RAPGEF5: variants seen among roughly 807,000 people sequenced by gnomAD.
RAPGEF5 encodes the protein M-Ras-regulated GEF.
Under a neutral mutation model 125.2 loss-of-function variants are expected in RAPGEF5, and 65 were observed. The observed-to-expected ratio is 0.52, with a 90% CI of 0.43 to 0.64. RAPGEF5 has a LOEUF of 0.64. Among genes scored for constraint, RAPGEF5 ranks in the 30% least tolerant of loss-of-function variants. The pLI is 0.00. For synonymous variants in RAPGEF5, 391 were observed against 385.9 expected (o/e 1.01, Z -0.16); for missense variants, 958 against 1,048.1 (o/e 0.91, Z 1.19).
chr7:22,189,427 C>T (rs1487049759), intron 11 of RAPGEF5, among the ~76,000 whole-genome samples: 4 of 152,156 alleles, frequency 2.6e-5, no homozygotes, highest in East Asian at 1.9e-4. Context: ...TAACTAGCTA[C>T]AGTCACCAGC....
At chr7:22,174,846 G>C (rs1248595276) in intron 11 of RAPGEF5, among the ~76,000 whole-genome samples, 1 of 152,122 alleles carries the variant, frequency 6.6e-6, no homozygotes. Flanking sequence ...TAAACTTGCT[G>C]AGCTTGGGTT....
At chr7:22,319,926 C>T (rs567225911) in intron 1 of RAPGEF5, among the ~76,000 whole-genome samples, 2 of 152,136 alleles carry the variant, frequency 1.3e-5, no homozygotes, top group South Asian at 2.1e-4. Flanking sequence ...CATTGCCAAC[C>T]GGAATCTGGC....
chr7:22,143,354 A>G (rs1463276021), intron 20 of RAPGEF5, among the ~76,000 whole-genome samples: 1 of 152,122 alleles, frequency 6.6e-6, no homozygotes, highest in African/African-American at 2.4e-5. Flanking sequence ...TCTCTTTGCT[A>G]CAGTTCAACG....
chr7:22,339,438 A>T (rs994453014), intron 1 of RAPGEF5, among the ~76,000 whole-genome samples: 1 of 152,026 alleles, frequency 6.6e-6, no homozygotes, highest in Admixed American at 6.5e-5. Context: ...TTTTAGTAAG[A>T]AAGAAAGAAA....
At chr7:22,195,095 A>G (rs932137319) in intron 9 of RAPGEF5, among the ~76,000 whole-genome samples, 2 of 152,216 alleles carry the variant, frequency 1.3e-5, no homozygotes, top group Non-Finnish European at 2.9e-5. Context: ...AAAAGGCACT[A>G]TGTGCTTAGG....
chr7:22,154,012 G>A (rs765033922), intron 17 of RAPGEF5, among the ~76,000 whole-genome samples: 3 of 152,156 alleles, frequency 2.0e-5, no homozygotes, highest in African/African-American at 4.8e-5. Flanking sequence ...TGCCGTGTGA[G>A]CTTTCAGCTT....
intron 5 of RAPGEF5, among the ~76,000 whole-genome samples, chr7:22,293,259 CT>C: frequency 6.6e-6 from 1 of 152,266 alleles, no homozygotes; most frequent in Non-Finnish European, 1.5e-5. Flanking sequence ...ATTCCAGGAA[CT>C]TTATTTTCAC....
At chr7:22,140,373 A>T (rs904397040) in intron 20 of RAPGEF5, among the ~76,000 whole-genome samples, 1 of 152,016 alleles carries the variant, frequency 6.6e-6, no homozygotes, top group Non-Finnish European at 1.5e-5. Flanking sequence ...CTCCTTTTTT[A>T]CCTATGTTGT....
chr7:22,242,947 CAA>C (rs537954162), intron 7 of RAPGEF5, among the ~76,000 whole-genome samples: 4 of 65,734 alleles, frequency 6.1e-5, no homozygotes, highest in Non-Finnish European at 6.8e-5. Flanking sequence ...AACTCCGTCT[CAA>C]AAAAAAAAAA....
At chr7:22,131,417 T>C (rs1782911654) in intron 23 of RAPGEF5, among the ~76,000 whole-genome samples, 2 of 152,312 alleles carry the variant, frequency 1.3e-5, no homozygotes, top group South Asian at 4.1e-4. Flanking sequence ...AATTATTCCA[T>C]TATGTGTTTA....
At chr7:22,189,052 T>TAAAAA (rs11434267) in intron 11 of RAPGEF5, among the ~76,000 whole-genome samples, 1 of 126,176 alleles carries the variant, frequency 7.9e-6, no homozygotes, top group South Asian at 2.6e-4. Context: ...CTCATGAAAT[T>TAAAAA]AAAAAAAAAA....
At chr7:22,283,573 C>T (rs1782724748) in intron 6 of RAPGEF5, among the ~76,000 whole-genome samples, 1 of 152,152 alleles carries the variant, frequency 6.6e-6, no homozygotes, top group Non-Finnish European at 1.5e-5. Context: ...ATGAAACATT[C>T]ATGGATCATC....
intron 20 of RAPGEF5, among the ~76,000 whole-genome samples, chr7:22,143,723 G>A (rs1221802629): frequency 6.6e-6 from 1 of 152,118 alleles, no homozygotes; most frequent in Non-Finnish European, 1.5e-5. Context: ...TCCTGATCCT[G>A]CTTCCCACAC....
At chr7:22,329,935 G>A (rs1413124164) in intron 1 of RAPGEF5, among the ~76,000 whole-genome samples, 2 of 152,034 alleles carry the variant, frequency 1.3e-5, no homozygotes. Context: ...CTCTCTTCAG[G>A]GTCAGCAACT....
At chr7:22,273,637 GA>G (rs1217553725) in intron 6 of RAPGEF5, among the ~76,000 whole-genome samples, 1 of 152,208 alleles carries the variant, frequency 6.6e-6, no homozygotes, top group Non-Finnish European at 1.5e-5. Flanking sequence ...GAAGTGATCT[GA>G]AACTAACAAA....
rs189664671 is a variant in RAPGEF5, at chr7:22,186,350, C to G, written c.1204+7017G>C. Among the ~76,000 whole-genome samples, 121 of 152,208 alleles carry G rather than the reference C, an allele frequency of 7.9e-4. 2 individuals carry two copies. The highest frequency in any genetic ancestry group is 5.6e-3 in the Admixed American group (86 of 15,276). On this transcript the variant is annotated intron_variant, in intron 11 of 25. Coordinates refer to ENST00000665637, the MANE Select transcript of RAPGEF5 (RefSeq NM_012294.5). ...TCAATTAAGTGTATTTCTTTTGATT[C>G]TGAACTTCGTTGCATTTGACCAGAA... is the stretch of plus-strand genomic sequence containing the variant.
intron 6 of RAPGEF5, among the ~76,000 whole-genome samples, chr7:22,288,850 C>T (rs968785145): frequency 6.6e-6 from 1 of 152,222 alleles, no homozygotes; most frequent in Non-Finnish European, 1.5e-5. Context: ...TAACCAATCT[C>T]CCTATCTTCA....
chr7:22,142,230 G>A (rs1783286798), intron 20 of RAPGEF5, among the ~76,000 whole-genome samples: 1 of 152,136 alleles, frequency 6.6e-6, no homozygotes, highest in Non-Finnish European at 1.5e-5. Flanking sequence ...CTAGATAGTA[G>A]GTTCCTTAAG....
chr7:22,334,178 T>G (rs1783982592), intron 1 of RAPGEF5, among the ~76,000 whole-genome samples: 1 of 152,192 alleles, frequency 6.6e-6, no homozygotes, highest in South Asian at 2.1e-4. Context: ...GCATGACATT[T>G]GGGTTAGTCG....
Sources: allele counts gnomAD v4.1 joint callset (sites outside exome capture counted in the v4.1 genomes callset), GRCh38; gene constraint gnomAD v4.1.1; transcripts MANE v1.5; gene names NCBI Gene and HGNC (gene_info 2026-07-23, HGNC 2026-07-21).